ARHGEF38: variants seen among roughly 807,000 people sequenced by gnomAD.
ARHGEF38 encodes Rho guanine nucleotide exchange factor (GEF) 38.
Under a neutral mutation model 79.9 loss-of-function variants are expected in ARHGEF38, and 79 were observed. That is an observed-to-expected ratio of 0.99 (90% confidence interval 0.82 to 1.19). ARHGEF38 has a LOEUF of 1.19. Ranked by LOEUF, ARHGEF38 falls within the 50% of genes most tolerant of loss-of-function variation. The pLI is 0.00. For missense variants in ARHGEF38, 962 were observed against 907.2 expected (o/e 1.06, Z -0.78); for synonymous variants, 366 against 328.3 (o/e 1.11, Z -1.24).
intron 1 of ARHGEF38, among the ~76,000 whole-genome samples, chr4:105,585,042 A>G (rs997001671): frequency 1.3e-5 from 2 of 152,096 alleles, no homozygotes; most frequent in African/African-American, 4.8e-5. Context: ...TCCTCTTCCA[A>G]CTGAACTAGC....
chr4:105,647,855 C>T (rs2110544700), intron 6 of ARHGEF38, among the ~76,000 whole-genome samples: 1 of 151,402 alleles, frequency 6.6e-6, no homozygotes, highest in East Asian at 1.9e-4. Context: ...GGTCTCCTTA[C>T]ATTGGGCACA....
intron 1 of ARHGEF38, among the ~76,000 whole-genome samples, chr4:105,573,462 C>G (rs902624431): frequency 1.3e-5 from 2 of 152,072 alleles, no homozygotes; most frequent in African/African-American, 4.8e-5. Flanking sequence ...CCAATTTTCC[C>G]GGCACCATTT....
chr4:105,647,149 G>T (rs956250296), intron 6 of ARHGEF38, among the ~76,000 whole-genome samples: 1 of 152,034 alleles, frequency 6.6e-6, no homozygotes, highest in African/African-American at 2.4e-5. Flanking sequence ...TTTTCTGTTT[G>T]CTTAAACTAT....
intron 5 of ARHGEF38, among the ~76,000 whole-genome samples, chr4:105,641,475 T>C (rs1234387819): frequency 2.0e-5 from 3 of 152,118 alleles, no homozygotes; most frequent in Non-Finnish European, 2.9e-5. Context: ...ACAAATGCTG[T>C]TTATTTGTGT....
chr4:105,589,702 T>A (rs897747068), intron 2 of ARHGEF38, among the ~76,000 whole-genome samples: 1 of 151,880 alleles, frequency 6.6e-6, no homozygotes, highest in Admixed American at 6.6e-5. Context: ...TGGTGTGAAG[T>A]ATGGCTGAGG....
At position 105,638,493 on chromosome 4, in the gene ARHGEF38, A is replaced by G. The variant is rs545509245; in HGVS notation, c.674+2073A>G. The stretch of plus-strand genomic sequence containing the variant: ...TCTCACCTTGGATTTCAAGGTTCCT[A>G]TTAATCACAAAATATTATAAATTAT... On this transcript the variant is annotated intron_variant, in intron 5 of 13. Coordinates refer to ENST00000420470, the MANE Select transcript of ARHGEF38 (RefSeq NM_001242729.2). Among the ~76,000 whole-genome samples, 5 of 152,178 alleles carry G rather than the reference A, an allele frequency of 3.3e-5. No homozygotes were observed. The South Asian group carries it at 1.0e-3, about 32-fold the overall frequency.
In ARHGEF38 at chr4:105,678,541, A is replaced by C. The variant is rs553337279; in HGVS notation, c.*604A>C. 1 of 152,206 alleles carries C rather than the reference A, an allele frequency of 6.6e-6. No homozygotes were observed. Among genetic ancestry groups the C allele is most frequent in the Non-Finnish European group, 1.5e-5 (1 of 68,030 alleles). 9.4% of individuals were successfully genotyped at this position (152,206 alleles called of 1,614,324 possible). A position where few individuals can be genotyped will look rare whatever the true frequency, so the allele number is the denominator to read the frequency against. On this transcript the variant is annotated 3_prime_UTR_variant, in exon 14 of 14. Coordinates refer to ENST00000420470, the MANE Select transcript of ARHGEF38 (RefSeq NM_001242729.2). ...TTTATATGTTTTGAACTAAAACTGA[A>C]TAACTTGATATTAACATGTAACATT...
chr4:105,636,958 A>G (rs1471356558), intron 5 of ARHGEF38, among the ~76,000 whole-genome samples: 1 of 152,166 alleles, frequency 6.6e-6, no homozygotes, highest in Non-Finnish European at 1.5e-5. Context: ...AAATTATTTT[A>G]GAAAAACAGC....
chr4:105,639,514 T>A (rs1022294482), intron 5 of ARHGEF38, among the ~76,000 whole-genome samples: 1 of 152,036 alleles, frequency 6.6e-6, no homozygotes, highest in Non-Finnish European at 1.5e-5. Context: ...GGTTTAATTT[T>A]TAGATTTAAT....
chr4:105,568,603 T>C (rs1726057371), intron 1 of ARHGEF38, among the ~76,000 whole-genome samples: 1 of 152,248 alleles, frequency 6.6e-6, no homozygotes, highest in Non-Finnish European at 1.5e-5. Flanking sequence ...TAATATTCTT[T>C]GATTTGTATG....
chr4:105,572,944 T>C (rs1039010119), intron 1 of ARHGEF38, among the ~76,000 whole-genome samples: 8 of 152,298 alleles, frequency 5.3e-5, no homozygotes, highest in Middle Eastern at 3.4e-3. Context: ...GGGTGCAAAG[T>C]GGTATCTCAC....
Position 105,679,020 on chromosome 4 carries a change from G to C in ARHGEF38, c.*1083G>C. 1 of 382,144 alleles carries C rather than the reference G, an allele frequency of 2.6e-6. No individual in the cohort carries two copies. Among genetic ancestry groups the C allele is most frequent in the South Asian group, 5.9e-5 (1 of 17,080 alleles). 23.7% of individuals were successfully genotyped at this position (382,144 alleles called of 1,614,324 possible). A position where few individuals can be genotyped will look rare whatever the true frequency, so the allele number is the denominator to read the frequency against. On this transcript the variant is annotated 3_prime_UTR_variant, in exon 14 of 14. Transcript: ENST00000420470. ...TGTAAGATTAGGTAGAAATAGGCAA[G>C]CTCACACTGCTAAATTAACTATCAA...
intron 3 of ARHGEF38, 133 bp downstream of exon 3, chr4:105,613,640 G>T: frequency 1.0e-6 from 1 of 956,754 alleles, no homozygotes; most frequent in Non-Finnish European, 1.5e-6. Context: ...CCCATCTTTG[G>T]GCTCATTGTG....
chr4:105,561,474 A>AGAATGGAATGGAATGGAATGGAATG (rs1560684594), intron 1 of ARHGEF38: 10 of 50,806 alleles, frequency 2.0e-4, no homozygotes, highest in African/African-American at 5.8e-4. Context: ...AGAATAGAAT[A>AGAATGGAATGGAATGGAATGGAATG]GAATAGAATA....
intron 4 of ARHGEF38, among the ~76,000 whole-genome samples, chr4:105,636,056 A>G (rs1729384821): frequency 6.6e-6 from 1 of 152,086 alleles, no homozygotes; most frequent in African/African-American, 2.4e-5. Flanking sequence ...CAATCACTGA[A>G]TGTAAAAAGA....
At chr4:105,607,237 T>C (rs986723195) in intron 2 of ARHGEF38, among the ~76,000 whole-genome samples, 2 of 152,120 alleles carry the variant, frequency 1.3e-5, no homozygotes, top group African/African-American at 4.8e-5. Flanking sequence ...CAGTGTGCCT[T>C]TGCAGATAAA....
At chr4:105,605,401 C>T (rs1258180369) in intron 2 of ARHGEF38, among the ~76,000 whole-genome samples, 1 of 152,098 alleles carries the variant, frequency 6.6e-6, no homozygotes. Flanking sequence ...TCCTCACACA[C>T]ATGCTGAGAT....
At chr4:105,661,972 G>A (rs1161192859) in intron 10 of ARHGEF38, among the ~76,000 whole-genome samples, 1 of 152,084 alleles carries the variant, frequency 6.6e-6, no homozygotes, top group Admixed American at 6.5e-5. Flanking sequence ...CAGATTTATA[G>A]AAATGATAGA....
rs1258535554 is a variant in ARHGEF38 at position 105,579,560 on chromosome 4, C to T, written c.197-9688C>T. Among the ~76,000 whole-genome samples, 3 of 152,134 alleles carry T rather than the reference C, an allele frequency of 2.0e-5. No individual in the cohort carries two copies. The East Asian group carries it at 5.8e-4, about 29-fold the overall frequency. ...ACTGATTTGCATATGTTGAACCATC[C>T]TTGCATCCCAGGGATGAAGCCTACT... On this transcript the variant is annotated intron_variant, in intron 1 of 13. Transcript: ENST00000420470.
Sources: allele counts gnomAD v4.1 joint callset (sites outside exome capture counted in the v4.1 genomes callset), GRCh38; gene constraint gnomAD v4.1.1; transcripts MANE v1.5; gene names NCBI Gene and HGNC (gene_info 2026-07-23, HGNC 2026-07-21).